Variants in IFI16 observed in about 807,000 individuals in gnomAD.
The protein encoded by IFI16 is interferon gamma inducible protein 16, also known as gamma-interferon-inducible protein 16.
IFI16 carries 49 observed loss-of-function variants against 68.4 expected under a neutral mutation model. The ratio of observed to expected loss-of-function variants is 0.72; its 90% CI spans 0.57 to 0.91. IFI16 has a LOEUF of 0.91. Ranked by LOEUF, IFI16 falls within the 40% of genes least tolerant of loss-of-function variation. IFI16 has a pLI of 0.00. For missense variants in IFI16, 878 were observed against 942.9 expected (o/e 0.93, Z 0.90); for synonymous variants, 307 against 315.0 (o/e 0.97, Z 0.27).
chr1:159,014,945 G>A lies in IFI16; in HGVS notation c.265G>A (p.Val89Ile). 1 of 1,601,100 alleles carries A rather than the reference G, an allele frequency of 6.2e-7. No homozygotes were observed. The highest frequency in any genetic ancestry group is 8.5e-7 in the Non-Finnish European group (1 of 1,174,290). ...AETLKKEKLKVKGPALSRKRK... is the reference protein window; with the variant it reads ...AETLKKEKLKIKGPALSRKRK... ...AACTCTTAAAAAAGAAAAGTTAAAAGGTAATTGGGAAGAGGGAACACCCAC... is the reference window on the plus strand; with the variant it reads ...AACTCTTAAAAAAGAAAAGTTAAAAAGTAATTGGGAAGAGGGAACACCCAC... The change falls in exon 2 of 12, where the codon GTA becomes ATA. Residue 89 changes from valine to isoleucine, a missense_variant and splice_region_variant. Around this residue, in one of 4 missense-constraint regions of IFI16, gnomAD observed 443 missense variants for 421.8 expected, o/e 1.05. Transcript: ENST00000295809.
upstream of IFI16, among the ~76,000 whole-genome samples, chr1:159,003,625 C>G (rs192568880): frequency 8.1e-5 from 12 of 148,096 alleles, no homozygotes; most frequent in African/African-American, 3.0e-4. Context: ...ATAAACTTCT[C>G]CTATCTTGTA....
At chr1:159,019,559 G>A (rs992518968) in intron 5 of IFI16, among the ~76,000 whole-genome samples, 1 of 151,604 alleles carries the variant, frequency 6.6e-6, no homozygotes, top group African/African-American at 2.4e-5. Context: ...CCTGGGTTCA[G>A]GCGATTCTCC....
upstream of IFI16, chr1:159,006,059 A>G (rs992913909): frequency 2.0e-5 from 3 of 152,348 alleles, no homozygotes; most frequent in Non-Finnish European, 4.4e-5. Flanking sequence ...TCTGCTATCT[A>G]GATCTTTGAC....
chr1:159,006,476 A>G (rs572244418), upstream of IFI16, among the ~76,000 whole-genome samples: 18 of 152,306 alleles, frequency 1.2e-4, no homozygotes, highest in African/African-American at 4.3e-4. Context: ...GGAACTTCAT[A>G]CATTGTTGGT....
At chr1:159,006,490 A>G (rs888608739), upstream of IFI16, among the ~76,000 whole-genome samples, 1 of 152,200 alleles carries the variant, frequency 6.6e-6, no homozygotes, top group African/African-American at 2.4e-5. Context: ...TGTTGGTGTT[A>G]CTACCTTATC....
At chr1:159,029,919 C>A (rs1233673576) in intron 6 of IFI16, among the ~76,000 whole-genome samples, 3 of 151,958 alleles carry the variant, frequency 2.0e-5, no homozygotes, top group Non-Finnish European at 2.9e-5. Flanking sequence ...TGACCTCAGG[C>A]GATCCACCTG....
intron 5 of IFI16, 97 bp from the exon 6 acceptor site, chr1:159,020,244 T>C (rs2101830059): frequency 1.2e-6 from 1 of 815,356 alleles, no homozygotes; most frequent in South Asian, 1.6e-5. Flanking sequence ...GAGTTGCTGT[T>C]GTGCATCTTG....
upstream of IFI16, among the ~76,000 whole-genome samples, chr1:159,004,219 A>C (rs1652169522): frequency 6.6e-6 from 1 of 151,524 alleles, no homozygotes; most frequent in South Asian, 2.1e-4. Context: ...TATGCCTGTA[A>C]TCCCAGCACT....
chr1:159,024,243 A>T (rs1653512780), intron 6 of IFI16, among the ~76,000 whole-genome samples: 1 of 152,168 alleles, frequency 6.6e-6, no homozygotes, highest in Non-Finnish European at 1.5e-5. Flanking sequence ...ATGTAGGGGC[A>T]ACTGGTGTGG....
upstream of IFI16, among the ~76,000 whole-genome samples, chr1:159,002,550 A>ACTGT (rs145255727): frequency 0.044 from 6,720 of 152,270 alleles, 392 homozygotes; most frequent in East Asian, 0.26. Flanking sequence ...CGATACCGTT[A>ACTGT]CTATTACCTC....
At chr1:159,023,859 A>G (rs1653487810) in intron 6 of IFI16, among the ~76,000 whole-genome samples, 1 of 152,238 alleles carries the variant, frequency 6.6e-6, no homozygotes, top group African/African-American at 2.4e-5. Flanking sequence ...TCTTGCCGTG[A>G]GAGGCACAAA....
Position 159,018,566 on chromosome 1 carries a change from A to G in IFI16, c.887A>G (p.Asn296Ser), listed in dbSNP as rs763688078. 29 of 1,613,662 alleles carry G rather than the reference A, an allele frequency of 1.8e-5. No individual in the cohort carries two copies. The highest frequency in any genetic ancestry group is 6.7e-5 in the Admixed American group (4 of 60,014). The change falls in exon 5 of 12, where the codon AAC becomes AGC. Residue 296 changes from asparagine to serine, a missense_variant. Transcript: ENST00000295809. ...QTFEVPNKII[N>S]RAKETLKIDI... is the part of the protein sequence containing the mutation. ...TTTGAGGTTCCAAATAAAATCATCA[A>G]CAGAGCAAAGGAAACTCTGAAGATT...
chr1:159,044,214 A>G (rs1571884946), intron 7 of IFI16, among the ~76,000 whole-genome samples: 5 of 152,302 alleles, frequency 3.3e-5, no homozygotes, highest in Admixed American at 3.3e-4. Flanking sequence ...GTGCAAAGAA[A>G]TCTTCCTCAG....
At chr1:159,035,667 C>G (rs2101882865) in intron 7 of IFI16, among the ~76,000 whole-genome samples, 1 of 152,160 alleles carries the variant, frequency 6.6e-6, no homozygotes, top group Admixed American at 6.6e-5. Flanking sequence ...TCTTGTTCCA[C>G]TGATCATAGG....
At chr1:159,030,792 G>A (rs1013478609) in intron 6 of IFI16, among the ~76,000 whole-genome samples, 1 of 150,508 alleles carries the variant, frequency 6.6e-6, no homozygotes, top group Non-Finnish European at 1.5e-5. Flanking sequence ...GCTTTTAAGA[G>A]AGCATCAGCT....
rs533172178 is a variant in IFI16 at position 159,052,285 on chromosome 1, C to G, written c.2085+187C>G. 6 of 579,750 alleles carry G rather than the reference C, an allele frequency of 1.0e-5. No individual in the cohort carries two copies. The East Asian group carries it at 1.7e-4, about 16-fold the overall frequency. The allele number at this position is 579,750 out of a possible 1,614,324, so 35.9% of individuals were successfully genotyped here. A position where few individuals can be genotyped will look rare whatever the true frequency, so the allele number is the denominator to read the frequency against. On this transcript the variant is annotated intron_variant, in intron 10 of 11. Coordinates refer to ENST00000295809, the MANE Select transcript of IFI16 (RefSeq NM_001376587.1). ...ATGGGGTACGTTATATTGTAACATT[C>G]CTCTTCTTAAGGTATCATCATGCAA...
In IFI16 at chr1:159,020,467, T is replaced by C. The variant is rs201766347; in HGVS notation, c.1099T>C (p.Phe367Leu). 2 of 1,613,740 alleles carry C rather than the reference T, an allele frequency of 1.2e-6. No homozygotes were observed. The highest frequency in any genetic ancestry group is 1.7e-6 in the Non-Finnish European group (2 of 1,179,764). The change falls in exon 6 of 12, where the codon TTT becomes CTT. Residue 367 changes from phenylalanine (F) to leucine (L), a missense_variant. Transcript: ENST00000295809. ...EEGDKLQLFC[F>L]RLRKKNQMSK... ...AGGAGATAAGCTCCAACTTTTCTGC[T>C]TTCGACTTAGAAAAAAGAACCAGAT...
intron 9 of IFI16, 102 bp downstream of exon 9, chr1:159,049,701 G>A: frequency 7.6e-7 from 1 of 1,320,666 alleles, no homozygotes; most frequent in South Asian, 1.4e-5. Flanking sequence ...TACATACAAT[G>A]CTTTAATTTA....
intron 7 of IFI16, among the ~76,000 whole-genome samples, chr1:159,039,948 A>AG (rs1442511241): frequency 6.6e-6 from 1 of 152,236 alleles, no homozygotes; most frequent in Non-Finnish European, 1.5e-5. Flanking sequence ...CCATTGCTGA[A>AG]GAGGTACAAA....
Sources: gnomAD v4.1 joint callset for allele counts (sites outside exome capture counted in the v4.1 genomes callset) on GRCh38, gnomAD v4.1.1 for gene constraint, gnomAD v4.1.1 regional missense constraint, MANE v1.5 for transcripts, NCBI Gene and HGNC (gene_info 2026-07-23, HGNC 2026-07-21) for gene names.